TIGD2: variants seen among roughly 807,000 people sequenced by gnomAD.
The protein encoded by TIGD2 is tigger transposable element derived 2.
In TIGD2, 14 loss-of-function variants were observed where a neutral mutation model predicts 27.0. The observed-to-expected ratio is 0.52, with a 90% CI of 0.34 to 0.81. The LOEUF (loss-of-function observed/expected upper bound fraction) is 0.81, where lower values mean the gene tolerates loss of function less well. TIGD2 is among the 30% of genes least tolerant of loss of function. The pLI is 0.01. For synonymous variants in TIGD2, 201 were observed against 209.0 expected, an observed-to-expected ratio of 0.96 and a Z score of 0.33; for missense variants, 590 against 617.3, an observed-to-expected ratio of 0.96 and a Z score of 0.47.
chr4:89,114,701 ACT>A lies in TIGD2; in HGVS notation c.*152_*153del. Reference sequence around the variant, plus strand: ...GTCAGTTTGGATTACTTAAATTACAACTCTTTAATGTTGACTCTAGTCATTGG... The same window carrying A: ...GTCAGTTTGGATTACTTAAATTACAACTTTAATGTTGACTCTAGTCATTGG... On this transcript the variant is annotated 3_prime_UTR_variant, in exon 2 of 2. Coordinates refer to ENST00000603357, the MANE Select transcript of TIGD2 (RefSeq NM_145715.3). 1 of 763,502 alleles carries A rather than the reference ACT, an allele frequency of 1.3e-6. No homozygotes were observed. The highest frequency in any genetic ancestry group is 2.1e-6 in the Non-Finnish European group (1 of 486,908). The allele number at this position is 763,502 out of a possible 1,614,324, so 47.3% of individuals were successfully genotyped here.
In TIGD2 at chr4:89,113,833, G is replaced by A. The variant is rs750426128; in HGVS notation, c.859G>A (p.Ala287Thr). 1.9e-6 allele frequency: 3 copies of A among 1,614,174 alleles called. No homozygotes were observed. Among genetic ancestry groups the A allele is most frequent in the Non-Finnish European group, 2.5e-6 (3 of 1,180,026 alleles). The change falls in exon 2 of 2, where the codon GCA becomes ACA. Residue 287 changes from alanine to threonine, a missense_variant. Transcript: ENST00000603357. ...GAAATCCAAGGGACTTTTAGAAAAA[G>A]CAGTGCTTCTTTTAGATTTCCCCCC... is the stretch of plus-strand genomic sequence containing the variant. ...HLKSKGLLEKAVLLLDFPPAR... is the reference protein window; with the variant it reads ...HLKSKGLLEKTVLLLDFPPAR...
chr4:89,114,848 C>T lies in TIGD2; in HGVS notation c.*296C>T. 1 of 275,490 alleles carries T rather than the reference C, an allele frequency of 3.6e-6. No homozygotes were observed. Among genetic ancestry groups the T allele is most frequent in the South Asian group, 8.7e-5 (1 of 11,524 alleles). The allele number at this position is 275,490 out of a possible 1,614,324, so 17.1% of individuals were successfully genotyped here. On this transcript the variant is annotated 3_prime_UTR_variant, in exon 2 of 2. Transcript: ENST00000603357. ...GAATTTGGCGTGTCTAATAAAGGCC[C>T]ATGCACACTATAGGCACTCAATAAA...
rs753580195 is a variant in TIGD2, at chr4:89,113,753, C to T, written c.779C>T (p.Ser260Phe). The T allele has an allele frequency of 9.9e-6, 16 of 1,614,064 alleles. No homozygotes were observed. The South Asian group carries it at 1.8e-4, about 18-fold the overall frequency. Residue 260 changes from serine (S) to phenylalanine (F), a missense_variant, in exon 2 of 2, where the codon TCT becomes TTT. This residue lies in a region of TIGD2 where 451 missense variants were observed against 448.0 expected (regional missense o/e 1.01). Coordinates refer to ENST00000603357, the MANE Select transcript of TIGD2 (RefSeq NM_145715.3). Reference protein sequence around the residue: ...YSQKGAWIEQSVFRQWFEKYF... With the variant: ...YSQKGAWIEQFVFRQWFEKYF... ...CAAAAAGGTGCATGGATAGAACAGTCTGTTTTCAGACAGTGGTTTGAAAAG... is the reference window on the plus strand; with the variant it reads ...CAAAAAGGTGCATGGATAGAACAGTTTGTTTTCAGACAGTGGTTTGAAAAG...
In TIGD2 at chr4:89,114,355, C is replaced by T. The variant is rs756227518; in HGVS notation, c.1381C>T (p.Pro461Ser). 1 of 1,613,964 alleles carries T rather than the reference C, an allele frequency of 6.2e-7. No individual in the cohort carries two copies. Among genetic ancestry groups the T allele is most frequent in the Non-Finnish European group, 8.5e-7 (1 of 1,179,936 alleles). The change falls in exon 2 of 2, where the codon CCT becomes TCT. Residue 461 changes from proline (P) to serine (S), a missense_variant. This residue lies in a region of TIGD2 where 451 missense variants were observed against 448.0 expected (regional missense o/e 1.01). Transcript: ENST00000603357. The stretch of plus-strand genomic sequence containing the variant: ...CCAGACCAAGGCTGCTGAGCAAAAG[C>T]CTTCCAGTAAGAGTAGAAAAACAGA... ...EDQTKAAEQKPSSKSRKTELN... is the reference protein window; with the variant it reads ...EDQTKAAEQKSSSKSRKTELN...
rs1329559602 is a variant in TIGD2, at chr4:89,114,460, G to A, written c.1486G>A (p.Asp496Asn). The change falls in exon 2 of 2, where the codon GAT becomes AAT. Residue 496 changes from aspartate (D) to asparagine (N), a missense_variant. Physicochemically the swap from Asp to Asn is conservative, Grantham distance 23. Around this residue, in one of 3 missense-constraint regions of TIGD2, gnomAD observed 451 missense variants for 448.0 expected, o/e 1.01. Transcript: ENST00000603357. Reference sequence around the variant, plus strand: ...TTTACTGGATTATCTTGAACAACAAGATGACATGCTTCTGTCTGATAAATT... The same window carrying A: ...TTTACTGGATTATCTTGAACAACAAAATGACATGCTTCTGTCTGATAAATT... Reference protein sequence around the residue: ...ENLLDYLEQQDDMLLSDKLVL... With the variant: ...ENLLDYLEQQNDMLLSDKLVL... The A allele has an allele frequency of 9.3e-6, 15 of 1,613,728 alleles. No individual in the cohort carries two copies. The highest frequency in any genetic ancestry group is 1.3e-5 in the African/African-American group (1 of 74,918).
At chr4:89,111,991 T>A (rs1383788464) in intron 1 of TIGD2, 76 bp from the exon 2 acceptor site, 3 of 152,238 alleles carry the variant, frequency 2.0e-5, no homozygotes, top group Non-Finnish European at 4.4e-5. Flanking sequence ...CTCAACATAG[T>A]TGCAGGATAA....
chr4:89,111,340 G>A (rs1721045379), upstream of TIGD2: 1 of 539,028 alleles, frequency 1.9e-6, no homozygotes, highest in Non-Finnish European at 2.4e-6. Context: ...CTGCCGGCCA[G>A]GGAGGCACTG....
rs1281803207 is a variant in TIGD2, at chr4:89,112,557, T to C, written c.-418T>C. 6.4e-6 allele frequency: 1 copy of C among 156,538 alleles called. No homozygotes were observed. Among genetic ancestry groups the C allele is most frequent in the East Asian group, 1.9e-4 (1 of 5,306 alleles). 9.7% of individuals were successfully genotyped at this position (156,538 alleles called of 1,614,324 possible). A position where few individuals can be genotyped will look rare whatever the true frequency, so the allele number is the denominator to read the frequency against. Reference sequence around the variant, plus strand: ...AAGTCCTCTCTTGACTTAAACTGTTTACTCCCTAGCACATTTCCTAAAATA... The same window carrying C: ...AAGTCCTCTCTTGACTTAAACTGTTCACTCCCTAGCACATTTCCTAAAATA... On this transcript the variant is annotated 5_prime_UTR_variant, in exon 2 of 2. Transcript: ENST00000603357.
Position 89,114,341 on chromosome 4 carries a change from C to T in TIGD2, c.1367C>T (p.Ala456Val). ...GAAAGTGCTGAGGACCAGACCAAGG[C>T]TGCTGAGCAAAAGCCTTCCAGTAAG... ...DSESAEDQTK[A>V]AEQKPSSKSR... is the part of the protein sequence containing the mutation. Residue 456 changes from alanine to valine, a missense_variant, in exon 2 of 2, where the codon GCT becomes GTT. Physicochemically the swap from Ala to Val is moderately conservative, Grantham distance 64. Transcript: ENST00000603357. 6.2e-7 allele frequency: 1 copy of T among 1,614,046 alleles called. No homozygotes were observed. The highest frequency in any genetic ancestry group is 1.1e-5 in the South Asian group (1 of 91,082).
Position 89,114,006 on chromosome 4 carries a change from G to A in TIGD2, c.1032G>A (p.Gln344=), listed in dbSNP as rs374483618. 2.4e-5 allele frequency: 39 copies of A among 1,614,090 alleles called. No individual in the cohort carries two copies. The African/African-American group carries it at 4.8e-4, about 20-fold the overall frequency. ...VKRYYRAGLL[Q]KYMDEGNDPK... ...GATACTATCGAGCAGGACTTCTCCA[G>A]AAATACATGGATGAAGGAAATGACC... is the stretch of plus-strand genomic sequence containing the variant. Residue 344 remains glutamine (Q), a synonymous_variant, in exon 2 of 2, where the codon CAG becomes CAA. Transcript: ENST00000603357.
Position 89,113,752 on chromosome 4 carries a change from T to C in TIGD2, c.778T>C (p.Ser260Pro), listed in dbSNP as rs201508693. The change falls in exon 2 of 2, where the codon TCT becomes CCT. Residue 260 changes from serine to proline, a missense_variant. Coordinates refer to ENST00000603357, the MANE Select transcript of TIGD2 (RefSeq NM_145715.3). ...TCAAAAAGGTGCATGGATAGAACAG[T>C]CTGTTTTCAGACAGTGGTTTGAAAA... The part of the protein sequence containing the change: ...YSQKGAWIEQ[S>P]VFRQWFEKYF... 2.7e-5 allele frequency: 44 copies of C among 1,614,184 alleles called. No individual in the cohort carries two copies. The Admixed American group carries it at 7.2e-4, about 26-fold the overall frequency.
At position 89,112,946 on chromosome 4, in the gene TIGD2, G is replaced by A; in HGVS notation, c.-29G>A. ...CTTAGTTGTTAATTATCTTGTTCTA[G>A]TAATCACCTAAAATATTAGACACTT... On this transcript the variant is annotated 5_prime_UTR_variant, in exon 2 of 2. Transcript: ENST00000603357. 2 of 1,505,622 alleles carry A rather than the reference G, an allele frequency of 1.3e-6. No homozygotes were observed. Among genetic ancestry groups the A allele is most frequent in the Non-Finnish European group, 1.8e-6 (2 of 1,121,632 alleles). 93.3% of individuals were successfully genotyped at this position (1,505,622 alleles called of 1,614,324 possible).
At position 89,113,528 on chromosome 4, in the gene TIGD2, G is replaced by A. The variant is rs1188149011; in HGVS notation, c.554G>A (p.Cys185Tyr). ...GATCAAACTGGATTGTTTTGGAAAT[G>A]TCTACCATCAAGGACATTAACTCTT... is the stretch of plus-strand genomic sequence containing the variant. ...GADQTGLFWK[C>Y]LPSRTLTLET... The change falls in exon 2 of 2, where the codon TGT becomes TAT. Residue 185 changes from cysteine to tyrosine, a missense_variant. Coordinates refer to ENST00000603357, the MANE Select transcript of TIGD2 (RefSeq NM_145715.3). The A allele has an allele frequency of 6.2e-7, 1 of 1,614,014 alleles. No individual in the cohort carries two copies. The highest frequency in any genetic ancestry group is 1.3e-5 in the African/African-American group (1 of 74,908).
Position 89,114,817 on chromosome 4 carries a change from G to A in TIGD2, c.*265G>A. 3.0e-6 allele frequency: 1 copy of A among 330,938 alleles called. No homozygotes were observed. The highest frequency in any genetic ancestry group is 5.8e-6 in the Non-Finnish European group (1 of 172,244). 20.5% of individuals were successfully genotyped at this position (330,938 alleles called of 1,614,324 possible). A position where few individuals can be genotyped will look rare whatever the true frequency, so the allele number is the denominator to read the frequency against. ...TGAGGCCAGGGATCTTGTGTCTGTT[G>A]TGCCTGAATTTGGCGTGTCTAATAA... On this transcript the variant is annotated 3_prime_UTR_variant, in exon 2 of 2. Coordinates refer to ENST00000603357, the MANE Select transcript of TIGD2 (RefSeq NM_145715.3).
chr4:89,114,318 A>T lies in TIGD2; in HGVS notation c.1344A>T (p.Glu448Asp). ...GCTGTCAGGTGCTGACTGACAGTGA[A>T]AGTGCTGAGGACCAGACCAAGGCTG... ...DSSCQVLTDS[E>D]SAEDQTKAAE... Residue 448 changes from glutamate to aspartate, a missense_variant, in exon 2 of 2, where the codon GAA becomes GAT. By Grantham distance (45) the Glu-to-Asp change is conservative (BLOSUM62 2). Coordinates refer to ENST00000603357, the MANE Select transcript of TIGD2 (RefSeq NM_145715.3). 6.2e-7 allele frequency: 1 copy of T among 1,614,120 alleles called. No individual in the cohort carries two copies. The highest frequency in any genetic ancestry group is 8.5e-7 in the Non-Finnish European group (1 of 1,180,016).
Position 89,113,658 on chromosome 4 carries a change from G to A in TIGD2, c.684G>A (p.Val228=), listed in dbSNP as rs745448608. 1.2e-6 allele frequency: 2 copies of A among 1,614,098 alleles called. No homozygotes were observed. Among genetic ancestry groups the A allele is most frequent in the Non-Finnish European group, 1.7e-6 (2 of 1,180,028 alleles). The stretch of plus-strand genomic sequence containing the variant: ...TACACAAACTTAATCTTTGTGTTGT[G>A]GGGAAGGCCAAAAAGCCCCGAGCAT... ...TGLHKLNLCV[V]GKAKKPRAFK... is the part of the protein sequence containing the mutation. Residue 228 remains valine (V), a synonymous_variant, in exon 2 of 2, where the codon GTG becomes GTA. Transcript: ENST00000603357.
In TIGD2 at chr4:89,112,948, A is replaced by G. The variant is rs1421146693; in HGVS notation, c.-27A>G. The G allele has an allele frequency of 1.3e-6, 2 of 1,506,514 alleles. No individual in the cohort carries two copies. 93.3% of individuals were successfully genotyped at this position (1,506,514 alleles called of 1,614,324 possible). A position where few individuals can be genotyped will look rare whatever the true frequency, so the allele number is the denominator to read the frequency against. ...TAGTTGTTAATTATCTTGTTCTAGT[A>G]ATCACCTAAAATATTAGACACTTAA... On this transcript the variant is annotated 5_prime_UTR_variant, in exon 2 of 2. Transcript: ENST00000603357.
chr4:89,111,227 G>C (rs989472741), upstream of TIGD2: 88 of 984,876 alleles, frequency 8.9e-5, no homozygotes, highest in East Asian at 3.4e-4. Flanking sequence ...CCCAGCACTG[G>C]GGGGGTGAGA....
In TIGD2 at chr4:89,114,582, C is replaced by A; in HGVS notation, c.*30C>A. ...GCTCTTAAGTATTTCAGTGTATCTG[C>A]ATCTTTGTGACTATCTGCAGTGAAA... On this transcript the variant is annotated 3_prime_UTR_variant, in exon 2 of 2. Coordinates refer to ENST00000603357, the MANE Select transcript of TIGD2 (RefSeq NM_145715.3). 1 of 1,532,212 alleles carries A rather than the reference C, an allele frequency of 6.5e-7. No homozygotes were observed. The highest frequency in any genetic ancestry group is 1.3e-5 in the South Asian group (1 of 76,764). The allele number at this position is 1,532,212 out of a possible 1,614,324, so 94.9% of individuals were successfully genotyped here. A position where few individuals can be genotyped will look rare whatever the true frequency, so the allele number is the denominator to read the frequency against.
Sources: allele counts gnomAD v4.1 joint callset, GRCh38; gene constraint gnomAD v4.1.1; regional missense constraint gnomAD v4.1.1; transcripts MANE v1.5; gene names NCBI Gene and HGNC (gene_info 2026-07-23, HGNC 2026-07-21).